Variants in OTOGL observed in about 807,000 individuals in gnomAD.
OTOGL encodes otogelin like, also known as otogelin-like protein.
In OTOGL, 285 loss-of-function variants were observed where a neutral mutation model predicts 318.5. That is an observed-to-expected ratio of 0.89 (90% CI 0.81 to 0.99). The LOEUF is 0.99. OTOGL is among the 50% of genes least tolerant of loss of function. The pLI, the probability that OTOGL is intolerant of heterozygous loss-of-function variation, is 0.00. For missense variants in OTOGL, 2,899 were observed against 2,845.6 expected (o/e 1.02, Z -0.43); for synonymous variants, 987 against 936.5 (o/e 1.05, Z -0.99).
intron 1 of OTOGL, among the ~76,000 whole-genome samples, chr12:80,147,511 C>G (rs1872472463): frequency 6.6e-6 from 1 of 151,048 alleles, no homozygotes; most frequent in Non-Finnish European, 1.5e-5. Flanking sequence ...TGGTGTGGTG[C>G]TGAAAAAAAT....
intron 1 of OTOGL, among the ~76,000 whole-genome samples, chr12:80,167,105 C>A (rs1435981153): frequency 6.6e-6 from 1 of 151,960 alleles, no homozygotes; most frequent in Non-Finnish European, 1.5e-5. Context: ...GTTTTTTTGG[C>A]ATCCCTTTAA....
intron 26 of OTOGL, among the ~76,000 whole-genome samples, chr12:80,295,157 C>T (rs1252814113): frequency 8.1e-5 from 8 of 98,938 alleles, no homozygotes; most frequent in South Asian, 3.5e-4. Flanking sequence ...GATTGCCGAA[C>T]TTTTTTTTTT....
chr12:80,154,866 G>T (rs1215824270), intron 1 of OTOGL, among the ~76,000 whole-genome samples: 2 of 152,156 alleles, frequency 1.3e-5, no homozygotes, highest in Non-Finnish European at 2.9e-5. Context: ...AAACTGTCTT[G>T]CAAATGGCTG....
chr12:80,334,608 G>C (rs533512159), intron 38 of OTOGL, among the ~76,000 whole-genome samples: 3 of 152,104 alleles, frequency 2.0e-5, no homozygotes, highest in Non-Finnish European at 4.4e-5. Flanking sequence ...TGCAAATAAT[G>C]TTAACCAGAG....
chr12:80,124,447 AG>A (rs1480258231), intron 1 of OTOGL, among the ~76,000 whole-genome samples: 3 of 152,108 alleles, frequency 2.0e-5, no homozygotes, highest in Non-Finnish European at 2.9e-5. Context: ...GTAGCCTTGT[AG>A]TATGGTTTGA....
intron 24 of OTOGL, among the ~76,000 whole-genome samples, chr12:80,274,530 T>A (rs1029716914): frequency 6.6e-6 from 1 of 151,982 alleles, no homozygotes; most frequent in Non-Finnish European, 1.5e-5. Flanking sequence ...AACATAAAAG[T>A]GCAAGTGCTG....
intron 11 of OTOGL, among the ~76,000 whole-genome samples, chr12:80,240,335 T>A (rs1367566445): frequency 1.3e-5 from 2 of 152,166 alleles, no homozygotes; most frequent in Non-Finnish European, 2.9e-5. Context: ...AGCATTTTTA[T>A]GCCGTGAATC....
chr12:80,146,236 A>G (rs12228007), intron 1 of OTOGL, among the ~76,000 whole-genome samples: 64,925 of 145,414 alleles, frequency 0.45, 15,940 homozygotes, highest in East Asian at 0.49. Flanking sequence ...TGTCCCATCA[A>G]TATCTAATTT....
At chr12:80,123,702 G>C (rs902922650) in intron 1 of OTOGL, among the ~76,000 whole-genome samples, 7 of 152,044 alleles carry the variant, frequency 4.6e-5, no homozygotes, top group African/African-American at 1.7e-4. Flanking sequence ...AGCACCTGTT[G>C]TTTCCTGACT....
At chr12:80,325,337 A>AT (rs1163524670) in intron 35 of OTOGL, among the ~76,000 whole-genome samples, 1 of 152,240 alleles carries the variant, frequency 6.6e-6, no homozygotes, top group East Asian at 1.9e-4. Flanking sequence ...ATCTTAATAC[A>AT]TTGGGAAATG....
chr12:80,266,582 T>C lies in OTOGL; in HGVS notation c.2356T>C (p.Phe786Leu), dbSNP rs1000442465. Residue 786 changes from phenylalanine to leucine, a missense_variant, in exon 21 of 59, where the codon TTC (phenylalanine) becomes CTC (leucine). By Grantham distance (22) the Phe-to-Leu change is conservative (BLOSUM62 0). Transcript: ENST00000547103. ...AEGCNCPEGK[F>L]YEDTLNFCVP... ...AGGCTGTAATTGTCCGGAAGGCAAA[T>C]TCTATGAAGACACTCTTAACTTTTG... is the stretch of plus-strand genomic sequence containing the variant. 2.5e-6 allele frequency: 4 copies of C among 1,613,398 alleles called. No individual in the cohort carries two copies. In the African/African-American group the frequency reaches 5.3e-5, roughly 22 times the overall value.
intron 1 of OTOGL, among the ~76,000 whole-genome samples, chr12:80,208,836 A>G (rs1188156399): frequency 1.3e-5 from 2 of 152,200 alleles, no homozygotes; most frequent in African/African-American, 2.4e-5. Flanking sequence ...CTGTGGGCCC[A>G]TGAACATGTC....
chr12:80,260,669 T>C (rs1251767961), intron 18 of OTOGL, among the ~76,000 whole-genome samples: 2 of 152,176 alleles, frequency 1.3e-5, no homozygotes, highest in African/African-American at 4.8e-5. Context: ...ATAAGTTGAC[T>C]ATGGTGAGCT....
In OTOGL at chr12:80,114,059, CTT is replaced by C. The variant is rs371077598; in HGVS notation, c.-20+14456_-20+14457del. Among the ~76,000 whole-genome samples the C allele has an allele frequency of 1.6e-4, 24 of 152,144 alleles. 1 individual carries two copies. In the East Asian group the frequency reaches 4.1e-3, roughly 26 times the overall value. ...TACAGCACACCGATGGGTCTTGACTCTTTATCCAATTTGCCAGTCTATGTCTT... is the reference window on the plus strand; with the variant it reads ...TACAGCACACCGATGGGTCTTGACTCTATCCAATTTGCCAGTCTATGTCTT... On this transcript the variant is annotated intron_variant, in intron 1 of 58. Transcript: ENST00000547103.
chr12:80,238,974 T>G lies in OTOGL; in HGVS notation c.941T>G (p.Phe314Cys). Residue 314 changes from phenylalanine (F) to cysteine (C), a missense_variant, in exon 10 of 59, where the codon TTT becomes TGT. Transcript: ENST00000547103. ...PNPCSSGMPA[F>C]EAIFFKCQIL... ...CCGTGCTCCAGTGGAATGCCAGCAT[T>G]TGAGGTAAATTTGATGTGAGAAATG... 6.3e-7 allele frequency: 1 copy of G among 1,595,970 alleles called. No homozygotes were observed. Among genetic ancestry groups the G allele is most frequent in the Non-Finnish European group, 8.5e-7 (1 of 1,178,628 alleles).
intron 20 of OTOGL, 51 bp downstream of exon 20, chr12:80,265,261 C>G: frequency 6.7e-7 from 1 of 1,502,244 alleles, no homozygotes; most frequent in Non-Finnish European, 9.1e-7. Context: ...TTAGAGACCT[C>G]TATGTTTGTA....
At chr12:80,188,089 A>G (rs773299650) in intron 1 of OTOGL, among the ~76,000 whole-genome samples, 31 of 152,304 alleles carry the variant, frequency 2.0e-4, no homozygotes, top group Middle Eastern at 3.4e-3. Flanking sequence ...TTAATTGTCA[A>G]TGATGTTATT....
At chr12:80,361,224 T>C (rs1191779261) in intron 52 of OTOGL, 1 of 141,856 alleles carries the variant, frequency 7.0e-6, no homozygotes, top group Admixed American at 7.0e-5. Flanking sequence ...ATAAATGAGA[T>C]TATGTGGTAT....
intron 7 of OTOGL, among the ~76,000 whole-genome samples, chr12:80,226,120 C>T (rs890290803): frequency 6.6e-6 from 1 of 151,028 alleles, no homozygotes; most frequent in African/African-American, 2.4e-5. Context: ...CTTATTCCTT[C>T]ACTTCCTGTT....
Sources: gnomAD v4.1 joint callset for allele counts (sites outside exome capture counted in the v4.1 genomes callset) on GRCh38, gnomAD v4.1.1 for gene constraint, MANE v1.5 for transcripts, NCBI Gene and HGNC (gene_info 2026-07-23, HGNC 2026-07-21) for gene names.